The following UGT2A1 variants were observed in gnomAD, a reference collection of about 807,000 sequenced individuals.
UGT2A1 encodes the protein UDP glucuronosyltransferase family 2 member A1 complex locus.
A neutral mutation model predicts 45.4 loss-of-function variants in UGT2A1; 61 were observed. The observed-to-expected ratio is 1.34, with a 90% confidence interval of 1.09 to 1.66. The LOEUF is 1.66. Among genes scored for constraint, UGT2A1 ranks in the 40% most tolerant of loss-of-function variants. The pLI is 0.00. For missense variants in UGT2A1, 649 were observed against 574.3 expected, an observed-to-expected ratio of 1.13 and a Z score of -1.33; for synonymous variants, 229 against 196.2, an observed-to-expected ratio of 1.17 and a Z score of -1.40.
intron 3 of UGT2A1, among the ~76,000 whole-genome samples, chr4:69,616,007 A>G (rs1720358118): frequency 6.6e-6 from 1 of 152,036 alleles, no homozygotes; most frequent in Admixed American, 6.6e-5. Context: ...GAATCAACCT[A>G]TATGTGCATC....
At chr4:69,613,963 G>A (rs774287249) in intron 3 of UGT2A1, among the ~76,000 whole-genome samples, 2 of 152,030 alleles carry the variant, frequency 1.3e-5, no homozygotes, top group Non-Finnish European at 2.9e-5. Context: ...CATCATAGTA[G>A]TAGTCCTAGC....
Position 69,589,350 on chromosome 4 carries a change from T to C in UGT2A1, c.*22A>G. On this transcript the variant is annotated 3_prime_UTR_variant, in exon 7 of 7. Coordinates refer to ENST00000286604, the MANE Select transcript of UGT2A1 (RefSeq NM_001252275.3). ...GGATTTTGCCAAACTTAAAAATATA[T>C]ATATTTCCTCTTTTTCTTGACCTAT... 6.3e-7 allele frequency: 1 copy of C among 1,586,610 alleles called. No homozygotes were observed. Among genetic ancestry groups the C allele is most frequent in the South Asian group, 1.1e-5 (1 of 87,338 alleles).
At chr4:69,598,830 C>T (rs891545660) in intron 4 of UGT2A1, among the ~76,000 whole-genome samples, 2 of 152,096 alleles carry the variant, frequency 1.3e-5, no homozygotes, top group South Asian at 2.1e-4. Flanking sequence ...TGACCTCTTA[C>T]TCACCAAGTT....
rs761930100 is a variant in UGT2A1, at chr4:69,599,236, G to T, written c.996+10C>A. ...GAAGAGCATAAAATCCTCCACTGTT[G>T]TAGACCTACCTTAGGTAAAGGTTTG... On this transcript the variant is annotated intron_variant, in intron 4 of 6. Transcript: ENST00000286604. The T allele has an allele frequency of 1.2e-5, 19 of 1,612,056 alleles. No individual in the cohort carries two copies. Among genetic ancestry groups the T allele is most frequent in the Non-Finnish European group, 1.6e-5 (19 of 1,179,434 alleles).
intron 2 of UGT2A1, among the ~76,000 whole-genome samples, chr4:69,646,486 A>G (rs1031817208): frequency 1.3e-5 from 2 of 151,832 alleles, no homozygotes; most frequent in African/African-American, 4.8e-5. Flanking sequence ...GAGCCTTAAT[A>G]TTTATTAAGT....
chr4:69,592,808 C>CAA (rs530219488), intron 6 of UGT2A1, among the ~76,000 whole-genome samples: 1 of 151,276 alleles, frequency 6.6e-6, no homozygotes, highest in Non-Finnish European at 1.5e-5. Flanking sequence ...AGAAATAATA[C>CAA]AAAAAAAATT....
At chr4:69,608,670 A>G (rs1719834499) in intron 3 of UGT2A1, among the ~76,000 whole-genome samples, 1 of 152,058 alleles carries the variant, frequency 6.6e-6, no homozygotes, top group Admixed American at 6.6e-5. Context: ...CAACTCTGCA[A>G]AATACACACA....
chr4:69,648,344 T>C (rs189181760), intron 1 of UGT2A1, among the ~76,000 whole-genome samples: 4 of 151,532 alleles, frequency 2.6e-5, no homozygotes, highest in Admixed American at 6.6e-5. Flanking sequence ...TAAAATAAAA[T>C]ATGTGCAAGA....
intron 4 of UGT2A1, 72 bp from the exon 5 acceptor site, chr4:69,595,321 A>G: frequency 6.4e-7 from 1 of 1,558,008 alleles, no homozygotes; most frequent in Non-Finnish European, 8.8e-7. Flanking sequence ...AGAATTATTT[A>G]GAAATCATTT....
intron 3 of UGT2A1, among the ~76,000 whole-genome samples, chr4:69,613,750 G>C (rs1720204969): frequency 1.3e-5 from 2 of 151,860 alleles, no homozygotes; most frequent in Admixed American, 6.6e-5. Flanking sequence ...TTGATGATGA[G>C]AAAAATATTT....
chr4:69,634,303 T>G, intron 3 of UGT2A1, among the ~76,000 whole-genome samples: 1 of 151,684 alleles, frequency 6.6e-6, no homozygotes, highest in Non-Finnish European at 1.5e-5. Flanking sequence ...CCCACAACAC[T>G]GATCACAGGA....
chr4:69,594,326 T>C (rs1260789696), intron 6 of UGT2A1, 151 bp downstream of exon 6: 5 of 1,100,424 alleles, frequency 4.5e-6, no homozygotes, highest in Non-Finnish European at 5.0e-6. Context: ...CAAATCACTT[T>C]AGCAGTTTGG....
At chr4:69,635,121 A>G (rs564650513) in intron 3 of UGT2A1, among the ~76,000 whole-genome samples, 2 of 152,210 alleles carry the variant, frequency 1.3e-5, no homozygotes, top group Admixed American at 6.5e-5. Flanking sequence ...GTTTAAAAAT[A>G]AAAATAAAAA....
rs140335310 is a variant in UGT2A1 at position 69,609,290 on chromosome 4, C to G, written c.848-9896G>C. On this transcript the variant is annotated intron_variant, in intron 3 of 6. Coordinates refer to ENST00000286604, the MANE Select transcript of UGT2A1 (RefSeq NM_001252275.3). ...ACCTCAGCCTCTCAGTAGCTGGGACCAGAGGTGCACAACACCAAACCTAGC... is the reference window on the plus strand; with the variant it reads ...ACCTCAGCCTCTCAGTAGCTGGGACGAGAGGTGCACAACACCAAACCTAGC... Among the ~76,000 whole-genome samples, 777 of 152,026 alleles carry G rather than the reference C, an allele frequency of 5.1e-3. 9 individuals carry two copies. The highest frequency in any genetic ancestry group is 0.017 in the African/African-American group (711 of 41,476).
chr4:69,644,869 T>C (rs1459477088), intron 2 of UGT2A1, among the ~76,000 whole-genome samples: 3 of 151,780 alleles, frequency 2.0e-5, no homozygotes. Flanking sequence ...CATACTAACC[T>C]ATGCATATTT....
At chr4:69,599,800 T>C (rs890001813) in intron 3 of UGT2A1, 1 of 161,236 alleles carries the variant, frequency 6.2e-6, no homozygotes, top group African/African-American at 2.4e-5. Flanking sequence ...GGATTTTTTG[T>C]TAGTGAAAAA....
intron 3 of UGT2A1, among the ~76,000 whole-genome samples, chr4:69,604,502 A>G (rs1032860901): frequency 7.3e-6 from 1 of 136,764 alleles, no homozygotes; most frequent in Non-Finnish European, 1.6e-5. Context: ...CTAGGAAGAA[A>G]CTGCATCAAC....
chr4:69,652,717 C>T (rs1345688896), intron 1 of UGT2A1, among the ~76,000 whole-genome samples: 3 of 151,626 alleles, frequency 2.0e-5, no homozygotes, highest in Non-Finnish European at 4.4e-5. Context: ...AAATAAAATA[C>T]CCACTAAAGA....
intron 3 of UGT2A1, among the ~76,000 whole-genome samples, chr4:69,613,820 C>T (rs1720209470): frequency 6.6e-6 from 1 of 151,928 alleles, no homozygotes; most frequent in Non-Finnish European, 1.5e-5. Context: ...ATAGAAGGAA[C>T]ATAGCTCAAC....
Sources: allele counts gnomAD v4.1 joint callset (sites outside exome capture counted in the v4.1 genomes callset), GRCh38; gene constraint gnomAD v4.1.1; transcripts MANE v1.5; gene names NCBI Gene and HGNC (gene_info 2026-07-23, HGNC 2026-07-21).